Variants in IGF1R observed in about 807,000 individuals in gnomAD.
IGF1R encodes the protein insulin-like growth factor 1 receptor.
A neutral mutation model predicts 144.6 loss-of-function variants in IGF1R; 44 were observed. That is an observed-to-expected ratio of 0.30 (90% CI 0.24 to 0.39). IGF1R has a LOEUF of 0.39. IGF1R is among the 10% of genes least tolerant of loss of function. The pLI is 1.00. For synonymous variants in IGF1R, 795 were observed against 722.8 expected, an observed-to-expected ratio of 1.10 and a Z score of -1.60; for missense variants, 1,355 against 1,833.7, an observed-to-expected ratio of 0.74 and a Z score of 4.77.
intron 1 of IGF1R, among the ~76,000 whole-genome samples, chr15:98,654,341 T>C (rs1156595608): frequency 6.6e-6 from 1 of 152,156 alleles, no homozygotes; most frequent in African/African-American, 2.4e-5. Flanking sequence ...TTTCCAAAAA[T>C]TAGGAGTCAC....
intron 2 of IGF1R, among the ~76,000 whole-genome samples, chr15:98,776,075 CTT>C: frequency 6.6e-6 from 1 of 152,226 alleles, no homozygotes; most frequent in East Asian, 1.9e-4. Context: ...TTTTGACTGA[CTT>C]TGGTTTTCTC....
intron 2 of IGF1R, among the ~76,000 whole-genome samples, chr15:98,839,109 C>G (rs959896441): frequency 6.6e-6 from 1 of 152,234 alleles, no homozygotes; most frequent in African/African-American, 2.4e-5. Context: ...TGAGCTTACA[C>G]CTAGATGACA....
intron 2 of IGF1R, among the ~76,000 whole-genome samples, chr15:98,743,550 G>A (rs983172379): frequency 4.6e-5 from 7 of 152,192 alleles, no homozygotes; most frequent in African/African-American, 1.7e-4. Flanking sequence ...GATGCCATGA[G>A]ACCAAGAAGG....
At chr15:98,686,485 C>G (rs1320371668) in intron 1 of IGF1R, among the ~76,000 whole-genome samples, 2 of 152,062 alleles carry the variant, frequency 1.3e-5, no homozygotes, top group African/African-American at 4.8e-5. Flanking sequence ...TTTTGAGGAA[C>G]CACTGTACTG....
At position 98,961,023 on chromosome 15, in the gene IGF1R, T is replaced by G. The variant is rs2017204878; in HGVS notation, c.*3581T>G. 1 of 233,632 alleles carries G rather than the reference T, an allele frequency of 4.3e-6. No homozygotes were observed. The highest frequency in any genetic ancestry group is 2.2e-5 in the African/African-American group (1 of 45,354). The allele number at this position is 233,632 out of a possible 1,614,324, so 14.5% of individuals were successfully genotyped here. ...GCACTGATGATTTCGCTGGGAAGTGTGGCGGGCAGCTTTGCCTAAGCGTGG... is the reference window on the plus strand; with the variant it reads ...GCACTGATGATTTCGCTGGGAAGTGGGGCGGGCAGCTTTGCCTAAGCGTGG... On this transcript the variant is annotated 3_prime_UTR_variant, in exon 21 of 21. Transcript: ENST00000650285.
intron 2 of IGF1R, among the ~76,000 whole-genome samples, chr15:98,791,715 T>C (rs527491852): frequency 3.9e-5 from 6 of 152,376 alleles, no homozygotes; most frequent in African/African-American, 1.4e-4. Context: ...AATAGAGTTA[T>C]AGTGCTACAA....
At chr15:98,909,036 A>G in intron 6 of IGF1R, 137 bp downstream of exon 6, 1 of 752,238 alleles carries the variant, frequency 1.3e-6, no homozygotes, top group Non-Finnish European at 2.4e-6. Flanking sequence ...CTTAACTAGC[A>G]CTTTGCTCCT....
intron 2 of IGF1R, among the ~76,000 whole-genome samples, chr15:98,803,456 G>T (rs1177410518): frequency 6.6e-6 from 1 of 151,100 alleles, no homozygotes; most frequent in Admixed American, 6.6e-5. Context: ...TGAAGGCCTG[G>T]ATAAATACTG....
rs1340098511 is a variant in IGF1R at position 98,866,533 on chromosome 15, TC to T, written c.641-24791del. ...TTATTAATAGCTTTAGAAACGAAAA[TC>T]TAACTTCTGATAAATTATTTCAGAG... is the stretch of plus-strand genomic sequence containing the variant. On this transcript the variant is annotated intron_variant, in intron 2 of 20. Coordinates refer to ENST00000650285, the MANE Select transcript of IGF1R (RefSeq NM_000875.5). Among the ~76,000 whole-genome samples the T allele has an allele frequency of 2.0e-5, 3 of 152,300 alleles. No individual in the cohort carries two copies. In the East Asian group the frequency reaches 5.8e-4, roughly 29 times the overall value.
chr15:98,853,080 G>T (rs2011608262), intron 2 of IGF1R, among the ~76,000 whole-genome samples: 1 of 152,198 alleles, frequency 6.6e-6, no homozygotes. Flanking sequence ...TGGAAGGACT[G>T]GGTGGTTTTC....
At chr15:98,762,720 C>CT (rs1168800381) in intron 2 of IGF1R, among the ~76,000 whole-genome samples, 2 of 152,006 alleles carry the variant, frequency 1.3e-5, no homozygotes, top group Non-Finnish European at 1.5e-5. Context: ...GAGTGAAACT[C>CT]TGTCTCCAAA....
chr15:98,804,109 C>G (rs372976814), intron 2 of IGF1R, among the ~76,000 whole-genome samples: 1 of 152,194 alleles, frequency 6.6e-6, no homozygotes, highest in East Asian at 1.9e-4. Context: ...ATCTTTGAAA[C>G]GCTGTTAGCT....
chr15:98,787,640 G>A (rs1240469201), intron 2 of IGF1R, among the ~76,000 whole-genome samples: 1 of 151,102 alleles, frequency 6.6e-6, no homozygotes, highest in Non-Finnish European at 1.5e-5. Context: ...TTAAAACAGA[G>A]ACCTCTCACC....
In IGF1R at chr15:98,649,548, T is replaced by G. The variant is rs1259546015; in HGVS notation, c.-34T>G. 4 of 686,436 alleles carry G rather than the reference T, an allele frequency of 5.8e-6. No homozygotes were observed. The highest frequency in any genetic ancestry group is 2.8e-5 in the African/African-American group (1 of 35,328). The allele number at this position is 686,436 out of a possible 1,614,324, so 42.5% of individuals were successfully genotyped here. ...TTCTTTTTTTTTTTTTTTTTTTTTTTTGAGAAAGGGGAATTTCATCCCAAA... is the reference window on the plus strand; with the variant it reads ...TTCTTTTTTTTTTTTTTTTTTTTTTGTGAGAAAGGGGAATTTCATCCCAAA... On this transcript the variant is annotated 5_prime_UTR_variant, in exon 1 of 21. Transcript: ENST00000650285.
At chr15:98,757,917 T>A (rs2055195245) in intron 2 of IGF1R, among the ~76,000 whole-genome samples, 1 of 152,246 alleles carries the variant, frequency 6.6e-6, no homozygotes, top group South Asian at 2.1e-4. Context: ...TTGAAAAGTG[T>A]GTTATTTTCA....
At position 98,649,326 on chromosome 15, in the gene IGF1R, G is replaced by T; in HGVS notation, c.-256G>T. 1 of 209,516 alleles carries T rather than the reference G, an allele frequency of 4.8e-6. No homozygotes were observed. Among genetic ancestry groups the T allele is most frequent in the Non-Finnish European group, 9.6e-6 (1 of 104,018 alleles). 13.0% of individuals were successfully genotyped at this position (209,516 alleles called of 1,614,324 possible). A position where few individuals can be genotyped will look rare whatever the true frequency, so the allele number is the denominator to read the frequency against. On this transcript the variant is annotated 5_prime_UTR_variant, in exon 1 of 21. Transcript: ENST00000650285. ...GACAGCCCGCCCCGGCGCGCCTCGG[G>T]TTCCCGACTCCGCCGAGCCCTGGGC...
At chr15:98,722,899 C>T (rs2054277091) in intron 2 of IGF1R, among the ~76,000 whole-genome samples, 1 of 151,980 alleles carries the variant, frequency 6.6e-6, no homozygotes, top group African/African-American at 2.4e-5. Context: ...AGCATCTCCG[C>T]CTGGTGCTGG....
chr15:98,916,151 C>T lies in IGF1R; in HGVS notation c.1996+20C>T. On this transcript the variant is annotated intron_variant, in intron 9 of 20. Transcript: ENST00000650285. ...CCAAAGGTAAGGGTGCAGCAGCGGC[C>T]TGGACGGAGGGTGTGACCGTTCATT... The T allele has an allele frequency of 1.2e-6, 2 of 1,613,648 alleles. No homozygotes were observed. Among genetic ancestry groups the T allele is most frequent in the South Asian group, 2.2e-5 (2 of 91,024 alleles).
intron 2 of IGF1R, among the ~76,000 whole-genome samples, chr15:98,869,724 C>T (rs1189863715): frequency 2.6e-5 from 4 of 152,178 alleles, no homozygotes; most frequent in Non-Finnish European, 4.4e-5. Flanking sequence ...CATGAACCAC[C>T]GCACTCCCTT....
Sources: allele counts gnomAD v4.1 joint callset (sites outside exome capture counted in the v4.1 genomes callset), GRCh38; gene constraint gnomAD v4.1.1; transcripts MANE v1.5; gene names NCBI Gene and HGNC (gene_info 2026-07-23, HGNC 2026-07-21).